CACNB2: variants seen among roughly 807,000 people sequenced by gnomAD.
CACNB2 encodes the protein voltage-dependent L-type calcium channel subunit beta-2.
A neutral mutation model predicts 73.3 loss-of-function variants in CACNB2; 42 were observed. The observed-to-expected ratio is 0.57, with a 90% CI of 0.45 to 0.74. The LOEUF (loss-of-function observed/expected upper bound fraction) is 0.74, where lower values mean the gene tolerates loss of function less well. CACNB2 is among the 30% of genes least tolerant of loss of function. CACNB2 has a pLI of 0.00. For synonymous variants in CACNB2, 348 were observed against 310.3 expected (o/e 1.12, Z -1.28); for missense variants, 940 against 853.0 (o/e 1.10, Z -1.27).
intron 2 of CACNB2, among the ~76,000 whole-genome samples, chr10:18,215,274 C>T (rs1277062637): frequency 6.6e-6 from 1 of 152,076 alleles, no homozygotes; most frequent in South Asian, 2.1e-4. Flanking sequence ...TTTGAAAGTA[C>T]GTCACATTCA....
intron 3 of CACNB2, among the ~76,000 whole-genome samples, chr10:18,443,813 C>G (rs1231512182): frequency 6.6e-6 from 1 of 151,124 alleles, no homozygotes. Flanking sequence ...CTCCCAGGTT[C>G]AAGAGATTCT....
chr10:18,184,864 GA>G lies in CACNB2; in HGVS notation c.213+33890del, dbSNP rs2034076861. 2.0e-5 allele frequency among the ~76,000 whole-genome samples: 3 copies of G among 152,078 alleles called. No homozygotes were observed. The South Asian group carries it at 6.2e-4, about 32-fold the overall frequency. ...CCAGCATGCATTAGCTGTTTTTCCT[GA>G]TGCTCTCTCTGTTGCCCAGGCTGGA... On this transcript the variant is annotated intron_variant, in intron 2 of 13. Coordinates refer to ENST00000324631, the MANE Select transcript of CACNB2 (RefSeq NM_201596.3).
intron 2 of CACNB2, among the ~76,000 whole-genome samples, chr10:18,259,499 G>A (rs957642832): frequency 5.6e-5 from 8 of 142,738 alleles, no homozygotes; most frequent in African/African-American, 2.1e-4. Flanking sequence ...GAGTCCAAGA[G>A]TTCAAGACCA....
At chr10:18,240,437 T>C (rs551385840) in intron 2 of CACNB2, among the ~76,000 whole-genome samples, 1 of 152,304 alleles carries the variant, frequency 6.6e-6, no homozygotes, top group East Asian at 1.9e-4. Context: ...TACAGTTTTA[T>C]AATTTGCCTG....
intron 9 of CACNB2, among the ~76,000 whole-genome samples, chr10:18,527,010 G>T (rs1392128747): frequency 2.0e-5 from 3 of 152,132 alleles, no homozygotes; most frequent in Admixed American, 6.6e-5. Context: ...GAGCTTTTTG[G>T]ATCATTTAGT....
chr10:18,294,335 A>G (rs1008177359), intron 2 of CACNB2, among the ~76,000 whole-genome samples: 2 of 152,172 alleles, frequency 1.3e-5, no homozygotes, highest in Non-Finnish European at 2.9e-5. Context: ...AGCAACCAGC[A>G]TGTTCTCTGA....
intron 2 of CACNB2, among the ~76,000 whole-genome samples, chr10:18,190,640 G>A (rs2034354300): frequency 6.6e-6 from 1 of 152,164 alleles, no homozygotes; most frequent in Non-Finnish European, 1.5e-5. Flanking sequence ...GTACTTTGAT[G>A]TTCTTCCAGA....
At chr10:18,402,124 AG>A in intron 3 of CACNB2, 81 bp downstream of exon 3, 1 of 1,459,764 alleles carries the variant, frequency 6.9e-7, no homozygotes, top group South Asian at 1.1e-5. Flanking sequence ...TTTCCCCTAA[AG>A]GTTGTTTGAT....
chr10:18,267,363 T>C (rs1203834467), intron 2 of CACNB2, among the ~76,000 whole-genome samples: 6 of 152,168 alleles, frequency 3.9e-5, no homozygotes, highest in African/African-American at 1.4e-4. Context: ...CCCAACACTT[T>C]GGGAAGCCAA....
intron 2 of CACNB2, among the ~76,000 whole-genome samples, chr10:18,190,543 A>G (rs1410489381): frequency 6.6e-6 from 1 of 152,244 alleles, no homozygotes; most frequent in East Asian, 1.9e-4. Flanking sequence ...AATTTATTTA[A>G]TGAGTAATTC....
chr10:18,382,894 G>C (rs1448410872), intron 2 of CACNB2, among the ~76,000 whole-genome samples: 1 of 151,972 alleles, frequency 6.6e-6, no homozygotes, highest in Non-Finnish European at 1.5e-5. Context: ...TATTCCTTTG[G>C]GTATATACCC....
intron 3 of CACNB2, among the ~76,000 whole-genome samples, chr10:18,480,052 G>A (rs2048643120): frequency 6.6e-6 from 1 of 152,198 alleles, no homozygotes; most frequent in Non-Finnish European, 1.5e-5. Context: ...AGGAAAGCGA[G>A]TTATGAATAG....
intron 2 of CACNB2, among the ~76,000 whole-genome samples, chr10:18,220,226 TATATATAGAGAGAGAGAG>T (rs1325333306): frequency 6.6e-5 from 3 of 45,668 alleles, no homozygotes; most frequent in African/African-American, 5.9e-4. Context: ...TATATATATA[TATATATAGAGAGAGAGAG>T]AGAGAGAGAG....
chr10:18,536,990 A>AG (rs953367721), intron 12 of CACNB2, among the ~76,000 whole-genome samples: 5 of 151,882 alleles, frequency 3.3e-5, no homozygotes, highest in African/African-American at 1.2e-4. Context: ...GAGCTTTCCT[A>AG]GGTTTAGTTT....
chr10:18,363,283 T>C (rs1018124396), intron 2 of CACNB2, among the ~76,000 whole-genome samples: 12 of 152,330 alleles, frequency 7.9e-5, no homozygotes, highest in African/African-American at 2.9e-4. Flanking sequence ...ACAGGATGGA[T>C]GGCTCAGGCT....
rs564004412 is a variant in CACNB2 at position 18,286,391 on chromosome 10, G to A, written c.214-115533G>A. On this transcript the variant is annotated intron_variant, in intron 2 of 13. Coordinates refer to ENST00000324631, the MANE Select transcript of CACNB2 (RefSeq NM_201596.3). ...AAATTAGCCAGGCGCGGTGGCGGGCGCCTGTAGTCCCAGCTACTCGGGAGG... is the reference window on the plus strand; with the variant it reads ...AAATTAGCCAGGCGCGGTGGCGGGCACCTGTAGTCCCAGCTACTCGGGAGG... Among the ~76,000 whole-genome samples the A allele has an allele frequency of 1.2e-3, 179 of 151,786 alleles. 1 individual carries two copies. The highest frequency in any genetic ancestry group is 3.8e-3 in the African/African-American group (158 of 41,460).
intron 3 of CACNB2, among the ~76,000 whole-genome samples, chr10:18,422,555 C>T (rs906898568): frequency 6.6e-6 from 1 of 152,194 alleles, no homozygotes; most frequent in Non-Finnish European, 1.5e-5. Flanking sequence ...TCTCTCCTCA[C>T]TCGTCACCTC....
rs773534767 is a variant in CACNB2 at position 18,539,459 on chromosome 10, A to G, written c.1718A>G (p.Asp573Gly). ...TCTGCCTACGTAGAGCCAAAGGAAGATTATTCCCATGACCACGTGGACCAC... is the reference window on the plus strand; with the variant it reads ...TCTGCCTACGTAGAGCCAAAGGAAGGTTATTCCCATGACCACGTGGACCAC... ...RDSAYVEPKE[D>G]YSHDHVDHYA... Residue 573 changes from aspartate (D) to glycine (G), a missense_variant, in exon 14 of 14, where the codon GAT becomes GGT. Physicochemically the swap from Asp to Gly is moderately conservative, Grantham distance 94. Coordinates refer to ENST00000324631, the MANE Select transcript of CACNB2 (RefSeq NM_201596.3). The G allele has an allele frequency of 1.2e-6, 2 of 1,614,014 alleles. No homozygotes were observed. Among genetic ancestry groups the G allele is most frequent in the Admixed American group, 3.3e-5 (2 of 59,992 alleles).
intron 2 of CACNB2, among the ~76,000 whole-genome samples, chr10:18,191,939 C>T (rs912059865): frequency 6.6e-6 from 1 of 151,930 alleles, no homozygotes; most frequent in Non-Finnish European, 1.5e-5. Context: ...TCTTCTTTTC[C>T]TCTGGGTAGA....
Sources: gnomAD v4.1 joint callset for allele counts (sites outside exome capture counted in the v4.1 genomes callset) on GRCh38, gnomAD v4.1.1 for gene constraint, MANE v1.5 for transcripts, NCBI Gene and HGNC (gene_info 2026-07-23, HGNC 2026-07-21) for gene names.